Variants in ATP2C2 observed in about 807,000 individuals in gnomAD.
ATP2C2 encodes calcium-transporting ATPase type 2C member 2.
ATP2C2 carries 171 observed loss-of-function variants against 110.8 expected under a neutral mutation model. The ratio of observed to expected loss-of-function variants is 1.54; its 90% CI spans 1.36 to 1.75. The LOEUF (loss-of-function observed/expected upper bound fraction) is 1.75, where lower values mean the gene tolerates loss of function less well. Ranked by LOEUF, ATP2C2 falls within the 40% of genes most tolerant of loss-of-function variation. The probability of loss-of-function intolerance (pLI) is 0.00; values close to 1 mark genes in which losing one functional copy is unlikely to be tolerated. For missense variants in ATP2C2, 1,963 were observed against 1,235.0 expected, an observed-to-expected ratio of 1.59 and a Z score of -8.84; for synonymous variants, 804 against 508.4, an observed-to-expected ratio of 1.58 and a Z score of -7.82.
At position 84,463,880 on chromosome 16, in the gene ATP2C2, C is replaced by T. The variant is rs1222783885; in HGVS notation, c.*148C>T. 2 of 715,744 alleles carry T rather than the reference C, an allele frequency of 2.8e-6. No individual in the cohort carries two copies. The highest frequency in any genetic ancestry group is 1.8e-5 in the South Asian group (1 of 55,258). The allele number at this position is 715,744 out of a possible 1,614,324, so 44.3% of individuals were successfully genotyped here. A position where few individuals can be genotyped will look rare whatever the true frequency, so the allele number is the denominator to read the frequency against. Reference sequence around the variant, plus strand: ...TTTCCTCTTAGGAAAGCTGCAGGAACCTCGTGGGCTCCAGGGACCCAGGCC... The same window carrying T: ...TTTCCTCTTAGGAAAGCTGCAGGAATCTCGTGGGCTCCAGGGACCCAGGCC... On this transcript the variant is annotated 3_prime_UTR_variant, in exon 27 of 27. Transcript: ENST00000262429.
intron 11 of ATP2C2, among the ~76,000 whole-genome samples, chr16:84,436,782 G>A (rs1260686976): frequency 2.6e-5 from 1 of 38,122 alleles, no homozygotes; most frequent in Non-Finnish European, 7.4e-5. Context: ...TTTTTTTTGA[G>A]ACAGACTTTC....
chr16:84,395,953 A>G (rs983165412), intron 1 of ATP2C2, among the ~76,000 whole-genome samples: 15 of 152,174 alleles, frequency 9.9e-5, no homozygotes, highest in African/African-American at 3.6e-4. Flanking sequence ...ATCTTTCCCA[A>G]AGAGACTCTG....
At chr16:84,432,081 T>G (rs1479721798) in intron 11 of ATP2C2, among the ~76,000 whole-genome samples, 1 of 152,090 alleles carries the variant, frequency 6.6e-6, no homozygotes, top group African/African-American at 2.4e-5. Flanking sequence ...AACTCGGGGC[T>G]GGGTGGGGCC....
At chr16:84,430,310 C>A (rs1424202237) in intron 11 of ATP2C2, among the ~76,000 whole-genome samples, 1 of 152,148 alleles carries the variant, frequency 6.6e-6, no homozygotes, top group African/African-American at 2.4e-5. Context: ...ACGCGAACGG[C>A]AAAGTTGCCA....
chr16:84,447,287 A>G (rs1909839127), intron 16 of ATP2C2, among the ~76,000 whole-genome samples: 2 of 152,170 alleles, frequency 1.3e-5, no homozygotes, highest in Admixed American at 6.5e-5. Flanking sequence ...TCAGGGGCTT[A>G]GAAGGGATTA....
In ATP2C2 at chr16:84,459,394, A is replaced by G. The variant is rs1354496561; in HGVS notation, c.2333+8A>G. On this transcript the variant is annotated splice_region_variant and intron_variant, in intron 23 of 26. Coordinates refer to ENST00000262429, the MANE Select transcript of ATP2C2 (RefSeq NM_014861.4). ...TGGGCCACCGGCGCAGAGGTGAGGC[A>G]GGGCCGGCTGGGAGCCCTGTGTCTC... The G allele has an allele frequency of 1.9e-6, 3 of 1,613,088 alleles. No individual in the cohort carries two copies. Among genetic ancestry groups the G allele is most frequent in the African/African-American group, 2.7e-5 (2 of 74,926 alleles).
At chr16:84,458,515 T>A (rs199871549) in intron 21 of ATP2C2, among the ~76,000 whole-genome samples, 1 of 149,424 alleles carries the variant, frequency 6.7e-6, no homozygotes, top group East Asian at 2.0e-4. Context: ...AAAATTTAAA[T>A]AAAAAAAAAG....
intron 1 of ATP2C2, among the ~76,000 whole-genome samples, chr16:84,393,703 G>A (rs1207715031): frequency 1.3e-5 from 2 of 151,778 alleles, no homozygotes; most frequent in Non-Finnish European, 2.9e-5. Context: ...GAGGGGAGGA[G>A]GATAGAGGAT....
rs369864819 is a variant in ATP2C2, at chr16:84,449,323, C to T, written c.1660+634C>T. 3.3e-5 allele frequency among the ~76,000 whole-genome samples: 5 copies of T among 152,332 alleles called. No individual in the cohort carries two copies. In the South Asian group the frequency reaches 1.0e-3, roughly 32 times the overall value. On this transcript the variant is annotated intron_variant, in intron 17 of 26. Coordinates refer to ENST00000262429, the MANE Select transcript of ATP2C2 (RefSeq NM_014861.4). ...TTGCTCAGAGGTGTACGGGGCGAGA[C>T]CCTTGCGGCTTTCTGGGGCACAGTG...
chr16:84,402,791 G>A (rs1232560000), intron 2 of ATP2C2, among the ~76,000 whole-genome samples: 1 of 152,158 alleles, frequency 6.6e-6, no homozygotes, highest in African/African-American at 2.4e-5. Context: ...TGGTATCAGG[G>A]TAATACTGGC....
At chr16:84,413,114 A>T (rs1387014183) in intron 6 of ATP2C2, among the ~76,000 whole-genome samples, 3 of 146,670 alleles carry the variant, frequency 2.0e-5, no homozygotes, top group Non-Finnish European at 4.6e-5. Context: ...AAAAAAAAAA[A>T]AGTATCTCAT....
chr16:84,448,755 C>G, intron 17 of ATP2C2, 66 bp downstream of exon 17: 1 of 1,540,538 alleles, frequency 6.5e-7, no homozygotes, highest in Non-Finnish European at 8.8e-7. Context: ...TAAGTGCATT[C>G]AAGCAGGGTC....
At chr16:84,429,231 A>C (rs1908051775) in intron 11 of ATP2C2, among the ~76,000 whole-genome samples, 1 of 152,150 alleles carries the variant, frequency 6.6e-6, no homozygotes, top group South Asian at 2.1e-4. Flanking sequence ...GGCTCACTGC[A>C]ATCTCCATCT....
chr16:84,394,664 C>A (rs2047591703), intron 1 of ATP2C2, among the ~76,000 whole-genome samples: 1 of 152,062 alleles, frequency 6.6e-6, no homozygotes, highest in African/African-American at 2.4e-5. Context: ...AGGATCTGTT[C>A]CACGCTTCTC....
At chr16:84,402,399 T>G (rs1490755498) in intron 2 of ATP2C2, among the ~76,000 whole-genome samples, 2 of 152,218 alleles carry the variant, frequency 1.3e-5, no homozygotes, top group African/African-American at 2.4e-5. Context: ...CGGGAAAAGC[T>G]TTCAGTTTTT....
At chr16:84,382,252 T>C (rs1910621260) in intron 1 of ATP2C2, among the ~76,000 whole-genome samples, 1 of 152,212 alleles carries the variant, frequency 6.6e-6, no homozygotes, top group African/African-American at 2.4e-5. Context: ...TTTCTGTTCC[T>C]GTGTTAGTTT....
intron 11 of ATP2C2, among the ~76,000 whole-genome samples, chr16:84,434,191 G>A (rs969945470): frequency 7.2e-5 from 11 of 152,070 alleles, no homozygotes; most frequent in Non-Finnish European, 1.5e-4. Flanking sequence ...GCCGAGGCGC[G>A]TGGATCATGA....
rs1246302728 is a variant in ATP2C2, at chr16:84,415,545, C to T, written c.578C>T (p.Ser193Phe). Residue 193 changes from serine to phenylalanine, a missense_variant, in exon 7 of 27, where the codon TCT becomes TTT. Coordinates refer to ENST00000262429, the MANE Select transcript of ATP2C2 (RefSeq NM_014861.4). ...GAACTGGTTCCTGGTGATGTCGTAT[C>T]TCTCTCGATCGGAGACCGGATCCCT... ...ARELVPGDVV[S>F]LSIGDRIPAD... The T allele has an allele frequency of 9.3e-6, 15 of 1,614,058 alleles. No individual in the cohort carries two copies. Among genetic ancestry groups the T allele is most frequent in the Middle Eastern group, 1.6e-4 (1 of 6,084 alleles).
intron 2 of ATP2C2, among the ~76,000 whole-genome samples, chr16:84,399,087 G>A (rs1905164290): frequency 6.6e-6 from 1 of 152,212 alleles, no homozygotes; most frequent in South Asian, 2.1e-4. Context: ...TCTCAAGTGA[G>A]TTTGAATTAA....
Sources: gnomAD v4.1 joint callset for allele counts (sites outside exome capture counted in the v4.1 genomes callset) on GRCh38, gnomAD v4.1.1 for gene constraint, MANE v1.5 for transcripts, NCBI Gene and HGNC (gene_info 2026-07-23, HGNC 2026-07-21) for gene names.